The following CDC27 variants were observed in gnomAD, a reference collection of about 807,000 sequenced individuals.
The protein encoded by CDC27 is cell division cycle protein 27 homolog.
CDC27 carries 27 observed loss-of-function variants against 109.7 expected under a neutral mutation model. The ratio of observed to expected loss-of-function variants is 0.25; its 90% CI spans 0.18 to 0.34. The LOEUF is 0.34. Among genes scored for constraint, CDC27 ranks in the 10% least tolerant of loss-of-function variants. CDC27 has a pLI of 1.00. For synonymous variants in CDC27, 266 were observed against 333.9 expected, an observed-to-expected ratio of 0.80 and a Z score of 2.22; for missense variants, 579 against 960.2, an observed-to-expected ratio of 0.60 and a Z score of 5.25.
intron 2 of CDC27, among the ~76,000 whole-genome samples, chr17:47,174,528 C>T (rs2063920455): frequency 6.6e-6 from 1 of 152,124 alleles, no homozygotes; most frequent in Non-Finnish European, 1.5e-5. Context: ...TAATATATTG[C>T]ATAATCATGA....
chr17:47,118,639 T>C lies in CDC27; in HGVS notation c.*2296A>G, dbSNP rs1036994095. 6.6e-6 allele frequency: 1 copy of C among 152,614 alleles called. No homozygotes were observed. Among genetic ancestry groups the C allele is most frequent in the Non-Finnish European group, 1.5e-5 (1 of 68,042 alleles). The allele number at this position is 152,614 out of a possible 1,614,324, so 9.5% of individuals were successfully genotyped here. ...GTCAAACTACTTAATTTAATTTCTG[T>C]AAAATAAACTTCTGAAATTTGAAGC... On this transcript the variant is annotated 3_prime_UTR_variant, in exon 19 of 19. Transcript: ENST00000066544.
intron 16 of CDC27, among the ~76,000 whole-genome samples, chr17:47,124,178 AACACAC>A (rs59790354): frequency 1.0e-4 from 15 of 144,498 alleles, no homozygotes; most frequent in Middle Eastern, 7.0e-3. Context: ...GTACACTGAA[AACACAC>A]ACACACACAC....
chr17:47,164,258 C>T (rs1731557318), intron 4 of CDC27, among the ~76,000 whole-genome samples: 2 of 152,208 alleles, frequency 1.3e-5, no homozygotes, highest in African/African-American at 2.4e-5. Flanking sequence ...TGTGCATATG[C>T]ACTTTATGAT....
chr17:47,136,429 C>A (rs2062594179), intron 14 of CDC27, among the ~76,000 whole-genome samples: 2 of 152,104 alleles, frequency 1.3e-5, no homozygotes, highest in South Asian at 4.1e-4. Flanking sequence ...CCAAAGATAA[C>A]CGTATCTGAC....
intron 2 of CDC27, among the ~76,000 whole-genome samples, chr17:47,175,021 AAGAG>A (rs1849007903): frequency 6.9e-6 from 1 of 144,562 alleles, no homozygotes; most frequent in African/African-American, 2.6e-5. Context: ...GAAAGAAAGA[AAGAG>A]AGAAAGAGAG....
chr17:47,170,095 T>C (rs1042783862), intron 3 of CDC27, 53 bp from the exon 4 acceptor site: 15 of 1,345,438 alleles, frequency 1.1e-5, no homozygotes, highest in African/African-American at 7.5e-5. Context: ...AAGCAGTTCA[T>C]GTAAACATAT....
At chr17:47,134,480 TTTTTGTTTTG>T (rs576184074) in intron 14 of CDC27, among the ~76,000 whole-genome samples, 12 of 151,438 alleles carry the variant, frequency 7.9e-5, no homozygotes, top group South Asian at 2.1e-4. Context: ...AATTGTTTTT[TTTTTGTTTTG>T]TTTTGTTTTG....
At position 47,120,444 on chromosome 17, in the gene CDC27, T is replaced by TAA. The variant is rs1385165184; in HGVS notation, c.*490_*491insTT. The TAA allele has an allele frequency of 6.5e-6, 1 of 154,616 alleles. No homozygotes were observed. The highest frequency in any genetic ancestry group is 6.4e-5 in the Admixed American group (1 of 15,616). The allele number at this position is 154,616 out of a possible 1,614,324, so 9.6% of individuals were successfully genotyped here. On this transcript the variant is annotated 3_prime_UTR_variant, in exon 19 of 19. Transcript: ENST00000066544. The stretch of plus-strand genomic sequence containing the variant: ...TTCCTTGGCAATCAAGTCACTGTTA[T>TAA]AGGCAACGTCTTTTATTGTTCCATC...
intron 14 of CDC27, among the ~76,000 whole-genome samples, chr17:47,134,409 C>T (rs115761301): frequency 0.11 from 15,855 of 150,488 alleles, 943 homozygotes; most frequent in South Asian, 0.2. Context: ...CTTAGGCTCA[C>T]GCAATCCTCC....
rs547510445 is a variant in CDC27 at position 47,140,551 on chromosome 17, G to GA, written c.1551+1301dup. ...ATGGCATAGACAAAAAGAAAAATGG[G>GA]AAAAAAACTCAGAAATTAAGTTGAA... is the stretch of plus-strand genomic sequence containing the variant. On this transcript the variant is annotated intron_variant, in intron 12 of 18. Transcript: ENST00000066544. 2.8e-3 allele frequency among the ~76,000 whole-genome samples: 432 copies of GA among 152,212 alleles called. 3 individuals are homozygous for GA. The highest frequency in any genetic ancestry group is 9.4e-3 in the Admixed American group (143 of 15,286).
chr17:47,176,003 T>C (rs561274839), intron 2 of CDC27, among the ~76,000 whole-genome samples: 10 of 152,228 alleles, frequency 6.6e-5, no homozygotes, highest in African/African-American at 2.4e-4. Context: ...TTTTTTTTCA[T>C]CCGGTAAGGA....
At chr17:47,156,457 A>AT (rs968409258) in intron 7 of CDC27, among the ~76,000 whole-genome samples, 1 of 132,610 alleles carries the variant, frequency 7.5e-6, no homozygotes, top group East Asian at 2.3e-4. Context: ...TTCAATATCA[A>AT]TTTTTTTTGA....
chr17:47,176,616 A>C (rs2064021433), intron 2 of CDC27, among the ~76,000 whole-genome samples: 1 of 152,216 alleles, frequency 6.6e-6, no homozygotes, highest in African/African-American at 2.4e-5. Flanking sequence ...AACTGTGTAA[A>C]GATTTAGGAA....
intron 4 of CDC27, among the ~76,000 whole-genome samples, chr17:47,165,992 T>C (rs2063631850): frequency 1.3e-5 from 2 of 152,212 alleles, no homozygotes; most frequent in African/African-American, 4.8e-5. Context: ...TTGTGTATGT[T>C]CCCACAAGTG....
chr17:47,165,287 T>A lies in CDC27; in HGVS notation c.377+4630A>T, dbSNP rs1033502292. Among the ~76,000 whole-genome samples the A allele has an allele frequency of 2.6e-5, 4 of 152,222 alleles. No homozygotes were observed. The East Asian group carries it at 7.7e-4, about 29-fold the overall frequency. On this transcript the variant is annotated intron_variant, in intron 4 of 18. Transcript: ENST00000066544. ...TTGCTATGAACTCCTGTGTAAAATA[T>A]CACCTTACATTCCCACCAGCAGTGT...
intron 12 of CDC27, among the ~76,000 whole-genome samples, chr17:47,139,260 A>C (rs979406103): frequency 4.6e-5 from 7 of 151,900 alleles, no homozygotes; most frequent in Non-Finnish European, 1.0e-4. Flanking sequence ...GCATTACAGA[A>C]TAACTCTTTT....
At position 47,122,484 on chromosome 17, in the gene CDC27, A is replaced by G. The variant is rs1303940065; in HGVS notation, c.2352T>C (p.Leu784=). 1 of 1,609,132 alleles carries G rather than the reference A, an allele frequency of 6.2e-7. No individual in the cohort carries two copies. Among genetic ancestry groups the G allele is most frequent in the Non-Finnish European group, 8.5e-7 (1 of 1,177,258 alleles). ...GGGTTATTGGCTCCTCATCATCTGG[A>G]AGATAACGCTTATCAATTGCCTCTT... is the stretch of plus-strand genomic sequence containing the variant. ...QIKEAIDKRY[L]PDDEEPITQE... The change falls in exon 18 of 19, where the codon CTT becomes CTC. Residue 784 remains leucine, a synonymous_variant. Coordinates refer to ENST00000066544, the MANE Select transcript of CDC27 (RefSeq NM_001256.6).
At chr17:47,164,102 T>G (rs1466887918) in intron 4 of CDC27, among the ~76,000 whole-genome samples, 1 of 152,210 alleles carries the variant, frequency 6.6e-6, no homozygotes, top group Non-Finnish European at 1.5e-5. Context: ...CTGTATCTTT[T>G]CTTTGTTTAG....
chr17:47,125,046 T>A (rs1205685621), intron 16 of CDC27, among the ~76,000 whole-genome samples: 1 of 144,730 alleles, frequency 6.9e-6, no homozygotes, highest in African/African-American at 2.6e-5. Context: ...GCCTCTCGAG[T>A]AGCTGGGATT....
Sources: gnomAD v4.1 joint callset for allele counts (sites outside exome capture counted in the v4.1 genomes callset) on GRCh38, gnomAD v4.1.1 for gene constraint, MANE v1.5 for transcripts, NCBI Gene and HGNC (gene_info 2026-07-23, HGNC 2026-07-21) for gene names.